CHRNA7: variants seen among roughly 807,000 people sequenced by gnomAD.
CHRNA7 encodes the protein cholinergic receptor nicotinic alpha 7 subunit.
CHRNA7 carries 17 observed loss-of-function variants against 48.0 expected under a neutral mutation model. The ratio of observed to expected loss-of-function variants is 0.35; its 90% confidence interval spans 0.24 to 0.53. The LOEUF (loss-of-function observed/expected upper bound fraction) is 0.53. Among genes scored for constraint, CHRNA7 ranks in the 20% least tolerant of loss-of-function variants. The pLI is 0.92. For synonymous variants in CHRNA7, 75 were observed against 242.3 expected (o/e 0.31, Z 6.41); for missense variants, 155 against 577.7 (o/e 0.27, Z 7.50).
chr15:32,126,709 T>A (rs1053476832), intron 4 of CHRNA7, among the ~76,000 whole-genome samples: 1 of 152,216 alleles, frequency 6.6e-6, no homozygotes, highest in African/African-American at 2.4e-5. Flanking sequence ...TACTTTCTAG[T>A]TCACCATTGT....
At chr15:32,043,845 T>C (rs2049489461) in intron 2 of CHRNA7, among the ~76,000 whole-genome samples, 1 of 152,234 alleles carries the variant, frequency 6.6e-6, no homozygotes, top group Non-Finnish European at 1.5e-5. Flanking sequence ...GACTTCTCTT[T>C]CTTGAGAGTC....
chr15:32,147,882 C>T (rs768762667), intron 4 of CHRNA7, among the ~76,000 whole-genome samples: 1 of 152,234 alleles, frequency 6.6e-6, no homozygotes, highest in African/African-American at 2.4e-5. Flanking sequence ...TGCTTTCCCT[C>T]TGCAATCTGG....
rs148049500 is a variant in CHRNA7 at position 32,151,151 on chromosome 15, T to C, written c.351-2756T>C. Reference sequence around the variant, plus strand: ...TAGAGTTTCTGGTTGCCTTTTCTTATTATAAGAATGTTTAAAACTGTGTCC... The same window carrying C: ...TAGAGTTTCTGGTTGCCTTTTCTTACTATAAGAATGTTTAAAACTGTGTCC... On this transcript the variant is annotated intron_variant, in intron 4 of 9. Coordinates refer to ENST00000306901, the MANE Select transcript of CHRNA7 (RefSeq NM_000746.6). Among the ~76,000 whole-genome samples, 1,172 of 152,244 alleles carry C rather than the reference T, an allele frequency of 7.7e-3. 17 individuals are homozygous for C. The highest frequency in any genetic ancestry group is 0.026 in the African/African-American group (1,071 of 41,550).
At chr15:32,054,045 T>TA (rs548717945) in intron 2 of CHRNA7, among the ~76,000 whole-genome samples, 142 of 152,366 alleles carry the variant, frequency 9.3e-4, no homozygotes, top group African/African-American at 3.1e-3. Context: ...CCATGGTGTC[T>TA]ATACTCTGGG....
intron 4 of CHRNA7, among the ~76,000 whole-genome samples, chr15:32,118,508 G>A (rs1384849192): frequency 6.6e-6 from 1 of 152,136 alleles, no homozygotes; most frequent in Non-Finnish European, 1.5e-5. Context: ...GTGGGAAGAG[G>A]GGGAGCAGCA....
intron 4 of CHRNA7, among the ~76,000 whole-genome samples, chr15:32,127,981 A>G (rs533437123): frequency 2.0e-5 from 3 of 152,054 alleles, no homozygotes; most frequent in African/African-American, 7.2e-5. Flanking sequence ...GTTGATGTCA[A>G]TTTTTGGTAT....
At position 32,111,753 on chromosome 15, in the gene CHRNA7, G is replaced by A. The variant is rs755241662; in HGVS notation, c.241-37G>A. On this transcript the variant is annotated intron_variant, in intron 3 of 9. Coordinates refer to ENST00000306901, the MANE Select transcript of CHRNA7 (RefSeq NM_000746.6). ...GCTTATGAGAAATATTAGTAGCCAAGGAAGTGAAGTGCTGCTAATGTCATT... is the reference window on the plus strand; with the variant it reads ...GCTTATGAGAAATATTAGTAGCCAAAGAAGTGAAGTGCTGCTAATGTCATT... The A allele has an allele frequency of 4.8e-6, 6 of 1,245,118 alleles. No homozygotes were observed. In the Admixed American group the frequency reaches 5.4e-5, roughly 11 times the overall value. The allele number at this position is 1,245,118 out of a possible 1,614,324, so 77.1% of individuals were successfully genotyped here. A position where few individuals can be genotyped will look rare whatever the true frequency, so the allele number is the denominator to read the frequency against.
chr15:32,040,143 ATATT>A (rs1390811552), intron 2 of CHRNA7, among the ~76,000 whole-genome samples: 1 of 152,030 alleles, frequency 6.6e-6, no homozygotes, highest in Non-Finnish European at 1.5e-5. Context: ...ATGTGTCTTT[ATATT>A]TAGAGTGGGT....
At chr15:32,072,923 C>T (rs549955913) in intron 2 of CHRNA7, among the ~76,000 whole-genome samples, 41 of 152,266 alleles carry the variant, frequency 2.7e-4, no homozygotes, top group African/African-American at 9.4e-4. Flanking sequence ...CCATGGAGGG[C>T]GTCTAATAGG....
At chr15:32,097,261 G>A (rs2050486677) in intron 2 of CHRNA7, among the ~76,000 whole-genome samples, 1 of 152,152 alleles carries the variant, frequency 6.6e-6, no homozygotes, top group East Asian at 1.9e-4. Flanking sequence ...AGCCAGGGGG[G>A]CAGCTTGAGG....
chr15:32,128,465 G>A (rs1595478848), intron 4 of CHRNA7, among the ~76,000 whole-genome samples: 1 of 151,796 alleles, frequency 6.6e-6, no homozygotes, highest in East Asian at 1.9e-4. Context: ...TCAGTATTTT[G>A]TAGTTTTCAA....
At chr15:32,087,073 C>A (rs937307904) in intron 2 of CHRNA7, among the ~76,000 whole-genome samples, 1 of 152,182 alleles carries the variant, frequency 6.6e-6, no homozygotes, top group African/African-American at 2.4e-5. Context: ...AGTAGTGTTT[C>A]ACCTCCATGA....
intron 2 of CHRNA7, among the ~76,000 whole-genome samples, chr15:32,069,981 A>G (rs547444305): frequency 6.6e-6 from 1 of 152,160 alleles, no homozygotes; most frequent in East Asian, 1.9e-4. Context: ...CCCCCCGCCC[A>G]CTAGATTTAT....
chr15:32,053,853 C>T (rs1015512171), intron 2 of CHRNA7, among the ~76,000 whole-genome samples: 7 of 152,166 alleles, frequency 4.6e-5, no homozygotes, highest in African/African-American at 1.2e-4. Context: ...ACTGGCTCTG[C>T]GTCAGCTCGT....
At chr15:32,147,488 G>A (rs2051514946) in intron 4 of CHRNA7, among the ~76,000 whole-genome samples, 3 of 152,210 alleles carry the variant, frequency 2.0e-5, no homozygotes. Context: ...AAGAGTTTGA[G>A]GCTCCAGTGA....
intron 2 of CHRNA7, among the ~76,000 whole-genome samples, chr15:32,034,345 A>G (rs989983871): frequency 1.3e-5 from 2 of 152,206 alleles, no homozygotes; most frequent in Non-Finnish European, 2.9e-5. Flanking sequence ...TTGCTGCAAG[A>G]CTTCTCAGAA....
intron 4 of CHRNA7, among the ~76,000 whole-genome samples, chr15:32,113,838 G>A (rs936574142): frequency 1.4e-5 from 2 of 139,756 alleles, no homozygotes; most frequent in Admixed American, 7.5e-5. Flanking sequence ...AGCAATGTAC[G>A]AGACCCCCAT....
At chr15:32,063,413 T>G (rs2049911949) in intron 2 of CHRNA7, among the ~76,000 whole-genome samples, 1 of 152,182 alleles carries the variant, frequency 6.6e-6, no homozygotes, top group Non-Finnish European at 1.5e-5. Context: ...ATTATAAAAA[T>G]GCAAATGAGC....
intron 2 of CHRNA7, among the ~76,000 whole-genome samples, chr15:32,033,225 T>A (rs1461136643): frequency 6.6e-6 from 1 of 152,244 alleles, no homozygotes; most frequent in Non-Finnish European, 1.5e-5. Flanking sequence ...TTCTAAGCTC[T>A]GTTTTCTCAT....
Sources: gnomAD v4.1 joint callset for allele counts (sites outside exome capture counted in the v4.1 genomes callset) on GRCh38, gnomAD v4.1.1 for gene constraint, MANE v1.5 for transcripts, NCBI Gene and HGNC (gene_info 2026-07-23, HGNC 2026-07-21) for gene names.